The following PKHD1L1 variants were observed in gnomAD, a reference collection of about 807,000 sequenced individuals.
The protein encoded by PKHD1L1 is fibrocystin-L.
PKHD1L1 carries 434 observed loss-of-function variants against 462.9 expected under a neutral mutation model. The observed-to-expected ratio is 0.94, with a 90% CI of 0.87 to 1.02. PKHD1L1 has a LOEUF of 1.02. PKHD1L1 is among the 50% of genes least tolerant of loss of function. PKHD1L1 has a pLI of 0.00. For synonymous variants in PKHD1L1, 1,781 were observed against 1,750.0 expected (o/e 1.02, Z -0.44); for missense variants, 5,202 against 5,096.1 (o/e 1.02, Z -0.63).
rs775108235 is a variant in PKHD1L1 at position 109,464,828 on chromosome 8, G to A, written c.7996G>A (p.Gly2666Ser). ...CQKGAEWVNG[G>S]ALQFHNFVMV... Reference sequence around the variant, plus strand: ...AAAAGGAGCTGAATGGGTCAATGGAGGTGCCCTTCAGTTCCATAACTTTGT... The same window carrying A: ...AAAAGGAGCTGAATGGGTCAATGGAAGTGCCCTTCAGTTCCATAACTTTGT... Residue 2666 changes from glycine to serine, a missense_variant, in exon 49 of 78, where the codon GGT becomes AGT. Transcript: ENST00000378402. The A allele has an allele frequency of 1.2e-6, 2 of 1,613,790 alleles. No homozygotes were observed. Among genetic ancestry groups the A allele is most frequent in the Non-Finnish European group, 1.7e-6 (2 of 1,179,786 alleles).
At chr8:109,415,007 ATTATTT>A (rs991282615) in intron 21 of PKHD1L1, among the ~76,000 whole-genome samples, 1 of 107,826 alleles carries the variant, frequency 9.3e-6, no homozygotes, top group Non-Finnish European at 2.1e-5. Context: ...TATTATTATT[ATTATTT>A]TTGAGACAGG....
At position 109,390,479 on chromosome 8, in the gene PKHD1L1, A is replaced by G. The variant is rs754571469; in HGVS notation, c.725A>G (p.Asp242Gly). The G allele has an allele frequency of 6.9e-7, 1 of 1,447,246 alleles. No homozygotes were observed. Among genetic ancestry groups the G allele is most frequent in the Non-Finnish European group, 9.3e-7 (1 of 1,075,854 alleles). The allele number at this position is 1,447,246 out of a possible 1,614,324, so 89.7% of individuals were successfully genotyped here. A position where few individuals can be genotyped will look rare whatever the true frequency, so the allele number is the denominator to read the frequency against. Residue 242 changes from aspartate (D) to glycine (G), a missense_variant, in exon 9 of 78, where the codon GAT (aspartate) becomes GGT (glycine). Physicochemically the swap from Asp to Gly is moderately conservative, Grantham distance 94 (BLOSUM62 -1). Around this residue, in one of 3 missense-constraint regions of PKHD1L1, gnomAD observed 4,497 missense variants for 4,336.8 expected, o/e 1.04. Coordinates refer to ENST00000378402, the MANE Select transcript of PKHD1L1 (RefSeq NM_177531.6). ...IGHHNVSFILDNDYGRSFPQK... is the reference protein window; with the variant it reads ...IGHHNVSFILGNDYGRSFPQK... ...CATCACAATGTCAGCTTCATCTTAGATAATGATTATGGAAGGTAGGCTATT... is the reference window on the plus strand; with the variant it reads ...CATCACAATGTCAGCTTCATCTTAGGTAATGATTATGGAAGGTAGGCTATT...
Position 109,464,266 on chromosome 8 carries a change from G to A in PKHD1L1, c.7434G>A (p.Trp2478Ter). 6.2e-7 allele frequency: 1 copy of A among 1,611,980 alleles called. No individual in the cohort carries two copies. Among genetic ancestry groups the A allele is most frequent in the Non-Finnish European group, 8.5e-7 (1 of 1,178,598 alleles). ...AFRLGRYPIH[W>*]HLLGDLQFKS... The stretch of plus-strand genomic sequence containing the variant: ...GGTTGGGGCGATATCCAATACATTG[G>A]CACCTGCTTGGAGACTTACAGTTTA... Residue 2478 changes from tryptophan (W) to a stop codon, truncating the protein, a stop_gained, in exon 49 of 78, where the codon TGG (tryptophan) becomes TGA (stop). Coordinates refer to ENST00000378402, the MANE Select transcript of PKHD1L1 (RefSeq NM_177531.6). LOFTEE classifies it high-confidence loss of function.
chr8:109,445,059 A>G lies in PKHD1L1; in HGVS notation c.5190A>G (p.Gly1730=), dbSNP rs1225889775. The change falls in exon 38 of 78, where the codon GGA becomes GGG. Residue 1730 remains glycine, a synonymous_variant. Coordinates refer to ENST00000378402, the MANE Select transcript of PKHD1L1 (RefSeq NM_177531.6). ...QLVDVDLLIH[G]VPAQCQGNCT... ...TGGATGTAGATCTTCTAATACATGG[A>G]GTGCCTGCCCAGTGCCAGGGAAACT... 1 of 1,613,774 alleles carries G rather than the reference A, an allele frequency of 6.2e-7. No individual in the cohort carries two copies. The highest frequency in any genetic ancestry group is 2.2e-5 in the East Asian group (1 of 44,880).
rs1193899058 is a variant in PKHD1L1 at position 109,385,582 on chromosome 8, G to A, written c.521G>A (p.Gly174Glu). 1.4e-5 allele frequency: 22 copies of A among 1,606,920 alleles called. No homozygotes were observed. The highest frequency in any genetic ancestry group is 1.8e-5 in the Non-Finnish European group (21 of 1,175,716). Reference protein sequence around the residue: ...IQGRIFTDVYGSNIALSSNGK... With the variant: ...IQGRIFTDVYESNIALSSNGK... ...GGCAGAATCTTCACTGATGTCTATG[G>A]AAGTAATATTGCACTAAGCTCAAAT... Residue 174 changes from glycine to glutamate, a missense_variant, in exon 6 of 78, where the codon GGA (glycine) becomes GAA (glutamate). Gly to Glu is a moderately conservative substitution (Grantham distance 98). Transcript: ENST00000378402.
Position 109,456,372 on chromosome 8 carries a change from A to G in PKHD1L1, c.6985A>G (p.Ile2329Val), listed in dbSNP as rs1816825800. The change falls in exon 46 of 78, where the codon ATT becomes GTT. Residue 2329 changes from isoleucine (I) to valine (V), a missense_variant. By Grantham distance (29) the Ile-to-Val change is conservative. Around this residue, in one of 3 missense-constraint regions of PKHD1L1, gnomAD observed 4,497 missense variants for 4,336.8 expected, o/e 1.04. Transcript: ENST00000378402. The part of the protein sequence containing the change: ...VTWKPGDNIV[I>V]ASTGHRHSQG... ...ATGGAAACCAGGAGATAACATTGTA[A>G]TTGCAAGCACAGGACACAGGTATGA... 2 of 1,608,648 alleles carry G rather than the reference A, an allele frequency of 1.2e-6. No individual in the cohort carries two copies. Among genetic ancestry groups the G allele is most frequent in the African/African-American group, 1.3e-5 (1 of 74,962 alleles).
In PKHD1L1 at chr8:109,530,371, A is replaced by C. The variant is rs1821010944; in HGVS notation, c.*281A>C. 4.9e-6 allele frequency: 1 copy of C among 204,774 alleles called. No individual in the cohort carries two copies. 12.7% of individuals were successfully genotyped at this position (204,774 alleles called of 1,614,324 possible). A position where few individuals can be genotyped will look rare whatever the true frequency, so the allele number is the denominator to read the frequency against. ...GACACCTCTAAGTTATTGTACCAAC[A>C]AATCATAGAATCCTTTAAATAATGG... is the stretch of plus-strand genomic sequence containing the variant. On this transcript the variant is annotated 3_prime_UTR_variant, in exon 78 of 78. Transcript: ENST00000378402.
chr8:109,488,982 A>G (rs1403662891), intron 59 of PKHD1L1, among the ~76,000 whole-genome samples: 1 of 151,966 alleles, frequency 6.6e-6, no homozygotes, highest in East Asian at 1.9e-4. Context: ...CCCTATTCCT[A>G]TGACAATCTT....
At chr8:109,434,019 A>C (rs1815255668) in intron 28 of PKHD1L1, among the ~76,000 whole-genome samples, 1 of 152,156 alleles carries the variant, frequency 6.6e-6, no homozygotes, top group African/African-American at 2.4e-5. Flanking sequence ...AGAACGGAAA[A>C]CCAAACACCA....
At position 109,445,230 on chromosome 8, in the gene PKHD1L1, G is replaced by A. The variant is rs1816063279; in HGVS notation, c.5361G>A (p.Gln1787=). The change falls in exon 38 of 78, where the codon CAG becomes CAA. Residue 1787 remains glutamine, a synonymous_variant. Coordinates refer to ENST00000378402, the MANE Select transcript of PKHD1L1 (RefSeq NM_177531.6). ...EDIAVFIGNQ[Q]FRAIEVNENN... is the part of the protein sequence containing the mutation. Reference sequence around the variant, plus strand: ...TTGCTGTTTTCATTGGAAATCAACAGTTCAGAGCAATAGAGGTTAATGAAA... The same window carrying A: ...TTGCTGTTTTCATTGGAAATCAACAATTCAGAGCAATAGAGGTTAATGAAA... 1.2e-6 allele frequency: 2 copies of A among 1,613,884 alleles called. No homozygotes were observed. The highest frequency in any genetic ancestry group is 2.7e-5 in the African/African-American group (2 of 74,940).
chr8:109,385,349 T>C (rs1483454613), intron 5 of PKHD1L1, among the ~76,000 whole-genome samples, 188 bp from the exon 6 acceptor site: 2 of 152,050 alleles, frequency 1.3e-5, no homozygotes, highest in Non-Finnish European at 1.5e-5. Context: ...AATGAATATT[T>C]ACAGATACTC....
At chr8:109,495,570 A>C (rs1197901452) in intron 63 of PKHD1L1, among the ~76,000 whole-genome samples, 1 of 152,120 alleles carries the variant, frequency 6.6e-6, no homozygotes, top group Non-Finnish European at 1.5e-5. Flanking sequence ...AGTGATATAC[A>C]CTGGGTTCAG....
Position 109,438,998 on chromosome 8 carries a change from A to T in PKHD1L1, c.3862A>T (p.Asn1288Tyr). 6.2e-7 allele frequency: 1 copy of T among 1,613,740 alleles called. No homozygotes were observed. The highest frequency in any genetic ancestry group is 8.5e-7 in the Non-Finnish European group (1 of 1,179,704). ...AAAAACCTGCCAGATTCTTCACTGG[A>T]ACTTCACAGATATTAGATGCCTTTT... Reference protein sequence around the residue: ...GGKTCQILHWNFTDIRCLLPK... With the variant: ...GGKTCQILHWYFTDIRCLLPK... Residue 1288 changes from asparagine to tyrosine, a missense_variant, in exon 32 of 78, where the codon AAC becomes TAC. By Grantham distance (143) the Asn-to-Tyr change is moderately radical. Transcript: ENST00000378402.
chr8:109,506,027 G>A (rs1244092674), intron 68 of PKHD1L1, among the ~76,000 whole-genome samples: 2 of 152,156 alleles, frequency 1.3e-5, no homozygotes, highest in African/African-American at 4.8e-5. Context: ...TTCAGTGTTT[G>A]GGGGGTCAAC....
At position 109,464,249 on chromosome 8, in the gene PKHD1L1, C is replaced by T. The variant is rs199516814; in HGVS notation, c.7417C>T (p.Arg2473Ter). Reference sequence around the variant, plus strand: ...TGCTGGCCAGGCTTTCCGGTTGGGGCGATATCCAATACATTGGCACCTGCT... The same window carrying T: ...TGCTGGCCAGGCTTTCCGGTTGGGGTGATATCCAATACATTGGCACCTGCT... ...FHAGQAFRLG[R>*]YPIHWHLLGD... Residue 2473 changes from arginine (R) to a stop codon, truncating the protein, a stop_gained, in exon 49 of 78, where the codon CGA (arginine) becomes TGA (stop). Coordinates refer to ENST00000378402, the MANE Select transcript of PKHD1L1 (RefSeq NM_177531.6). LOFTEE classifies it high-confidence loss of function. The T allele has an allele frequency of 4.4e-5, 70 of 1,606,782 alleles. No homozygotes were observed. In the Admixed American group the frequency reaches 4.5e-4, roughly 10 times the overall value.
chr8:109,393,953 C>G (rs1005824617), intron 9 of PKHD1L1, among the ~76,000 whole-genome samples: 2 of 151,944 alleles, frequency 1.3e-5, no homozygotes, highest in African/African-American at 4.8e-5. Context: ...GAGGATGGAT[C>G]ACGAGGTTAA....
At chr8:109,394,738 A>T (rs1812885073) in intron 10 of PKHD1L1, among the ~76,000 whole-genome samples, 1 of 152,212 alleles carries the variant, frequency 6.6e-6, no homozygotes, top group Non-Finnish European at 1.5e-5. Flanking sequence ...GACAGCAGGG[A>T]AATTTGCATG....
chr8:109,509,373 A>G (rs2130983835), intron 70 of PKHD1L1, among the ~76,000 whole-genome samples: 1 of 152,116 alleles, frequency 6.6e-6, no homozygotes, highest in Non-Finnish European at 1.5e-5. Flanking sequence ...TCTTATTTTT[A>G]CATTTCCCTT....
intron 21 of PKHD1L1, 117 bp downstream of exon 21, chr8:109,413,662 A>C: frequency 9.3e-6 from 6 of 646,326 alleles, no homozygotes; most frequent in Non-Finnish European, 1.4e-5. Flanking sequence ...GATGAGGGCA[A>C]ATAATGCACA....
Sources: gnomAD v4.1 joint callset for allele counts (sites outside exome capture counted in the v4.1 genomes callset) on GRCh38, gnomAD v4.1.1 for gene constraint, gnomAD v4.1.1 regional missense constraint, MANE v1.5 for transcripts, NCBI Gene and HGNC (gene_info 2026-07-23, HGNC 2026-07-21) for gene names.